PAQR5: variants seen among roughly 807,000 people sequenced by gnomAD.
The protein encoded by PAQR5 is membrane progestin receptor gamma.
Under a neutral mutation model 34.5 loss-of-function variants are expected in PAQR5, and 20 were observed. The observed-to-expected ratio is 0.58, with a 90% CI of 0.41 to 0.84. The LOEUF is 0.84. Ranked by LOEUF, PAQR5 falls within the 40% of genes least tolerant of loss-of-function variation. PAQR5 has a pLI of 0.00. For synonymous variants in PAQR5, 131 were observed against 155.6 expected (o/e 0.84, Z 1.18); for missense variants, 378 against 412.7 (o/e 0.92, Z 0.73).
rs1567038514 is a variant in PAQR5 at position 69,390,358 on chromosome 15, TTA to T, written c.512+580_512+581del. Among the ~76,000 whole-genome samples the T allele has an allele frequency of 1.9e-4, 28 of 144,346 alleles. 2 individuals are homozygous for T. The highest frequency in any genetic ancestry group is 2.5e-4 in the Non-Finnish European group (16 of 64,958). 94.7% of individuals were successfully genotyped at this position (144,346 alleles called of 152,430 possible). A position where few individuals can be genotyped will look rare whatever the true frequency, so the allele number is the denominator to read the frequency against. On this transcript the variant is annotated intron_variant, in intron 6 of 8. Coordinates refer to ENST00000395407, the MANE Select transcript of PAQR5 (RefSeq NM_017705.4). ...TTTATTTATTTATTTATTTATTTAT[TTA>T]TTTTTTTGAGACAGGGTCTCTCTCT...
At chr15:69,394,474 G>A (rs1283596097) in intron 6 of PAQR5, among the ~76,000 whole-genome samples, 5 of 152,188 alleles carry the variant, frequency 3.3e-5, no homozygotes, top group Non-Finnish European at 7.3e-5. Flanking sequence ...GCACTCGTGC[G>A]TGCGCCTCTG....
intron 1 of PAQR5, among the ~76,000 whole-genome samples, chr15:69,313,512 A>G (rs1035665323): frequency 6.6e-6 from 1 of 152,196 alleles, no homozygotes; most frequent in African/African-American, 2.4e-5. Flanking sequence ...AAACAGCGGC[A>G]ACAACAACCA....
At chr15:69,392,613 C>T (rs900258561) in intron 6 of PAQR5, among the ~76,000 whole-genome samples, 18 of 152,214 alleles carry the variant, frequency 1.2e-4, no homozygotes, top group Non-Finnish European at 1.2e-4. Flanking sequence ...GCACCCAGTG[C>T]CATAGGAGAG....
At chr15:69,329,830 G>C (rs1315417298) in intron 1 of PAQR5, among the ~76,000 whole-genome samples, 1 of 152,034 alleles carries the variant, frequency 6.6e-6, no homozygotes, top group East Asian at 1.9e-4. Context: ...TGCCGCTGAT[G>C]GCTCACTCTC....
At chr15:69,310,575 T>C (rs1347263109) in intron 1 of PAQR5, among the ~76,000 whole-genome samples, 1 of 152,248 alleles carries the variant, frequency 6.6e-6, no homozygotes, top group Non-Finnish European at 1.5e-5. Flanking sequence ...CAATTTTATT[T>C]GAAGTTGTTC....
intron 3 of PAQR5, among the ~76,000 whole-genome samples, chr15:69,377,237 C>T (rs575943473): frequency 6.6e-6 from 1 of 152,304 alleles, no homozygotes; most frequent in African/African-American, 2.4e-5. Context: ...GAAGGATAGA[C>T]CCAGTGTGGA....
chr15:69,370,497 C>T (rs1219140508), intron 3 of PAQR5, among the ~76,000 whole-genome samples: 2 of 151,964 alleles, frequency 1.3e-5, no homozygotes, highest in Non-Finnish European at 2.9e-5. Flanking sequence ...TTAACAAATC[C>T]CCCTTTATTT....
Position 69,385,673 on chromosome 15 carries a change from T to C in PAQR5, c.385+791T>C, listed in dbSNP as rs557218304. On this transcript the variant is annotated intron_variant, in intron 5 of 8. Coordinates refer to ENST00000395407, the MANE Select transcript of PAQR5 (RefSeq NM_017705.4). This position sits in a 1 kb window ranked among gnomAD's most constrained non-coding sequence, Gnocchi z 4.7. ...CCATTCTAGGTGAGAAAACCAATTA[T>C]TGTCTTCCTTGCCCAAGAGGTTGTC... Among the ~76,000 whole-genome samples, 1 of 152,202 alleles carries C rather than the reference T, an allele frequency of 6.6e-6. No homozygotes were observed. The highest frequency in any genetic ancestry group is 6.5e-5 in the Admixed American group (1 of 15,286).
chr15:69,372,873 A>G (rs190060154), intron 3 of PAQR5, among the ~76,000 whole-genome samples: 53 of 152,296 alleles, frequency 3.5e-4, no homozygotes, highest in African/African-American at 1.3e-3. Context: ...TTACTGCTGT[A>G]ACAAATTACC....
At chr15:69,396,071 G>T (rs1016248413) in intron 6 of PAQR5, among the ~76,000 whole-genome samples, 1 of 151,658 alleles carries the variant, frequency 6.6e-6, no homozygotes, top group African/African-American at 2.4e-5. Flanking sequence ...TTCTGTGCTG[G>T]GTCCCCAGGA....
intron 1 of PAQR5, among the ~76,000 whole-genome samples, chr15:69,301,286 G>C (rs145162835): frequency 2.0e-5 from 3 of 152,040 alleles, no homozygotes; most frequent in Non-Finnish European, 4.4e-5. Context: ...TTGCAGGCGT[G>C]AGCCACTGCA....
chr15:69,326,351 T>C (rs2054251272), intron 1 of PAQR5, among the ~76,000 whole-genome samples: 2 of 152,132 alleles, frequency 1.3e-5, no homozygotes, highest in African/African-American at 4.8e-5. Flanking sequence ...GTTCTTTCCA[T>C]GTGCAGATTC....
chr15:69,330,161 C>T (rs942619962), intron 1 of PAQR5, among the ~76,000 whole-genome samples: 11 of 152,136 alleles, frequency 7.2e-5, no homozygotes, highest in African/African-American at 2.7e-4. Context: ...TTAGGCAGTC[C>T]AGGGTACTTG....
At chr15:69,305,080 T>G (rs2053684515) in intron 1 of PAQR5, among the ~76,000 whole-genome samples, 1 of 152,224 alleles carries the variant, frequency 6.6e-6, no homozygotes, top group Non-Finnish European at 1.5e-5. Context: ...TCAGCACTAT[T>G]GACTTTCGGT....
At chr15:69,351,454 A>G (rs1284277369) in intron 2 of PAQR5, among the ~76,000 whole-genome samples, 1 of 152,270 alleles carries the variant, frequency 6.6e-6, no homozygotes, top group African/African-American at 2.4e-5. Flanking sequence ...GGTACCTGGT[A>G]TGCTGCCACG....
At chr15:69,400,430 A>G (rs903268080) in intron 8 of PAQR5, among the ~76,000 whole-genome samples, 11 of 152,206 alleles carry the variant, frequency 7.2e-5, no homozygotes, top group African/African-American at 2.4e-4. Flanking sequence ...GTGGTGGCTC[A>G]CACATGTAAT....
intron 2 of PAQR5, among the ~76,000 whole-genome samples, chr15:69,339,769 G>A (rs1036778167): frequency 2.6e-5 from 4 of 152,044 alleles, no homozygotes; most frequent in South Asian, 2.1e-4. Flanking sequence ...CATTGAGCCC[G>A]GCCCCTCCAC....
chr15:69,366,479 T>C (rs914680717), intron 3 of PAQR5, among the ~76,000 whole-genome samples: 13 of 152,166 alleles, frequency 8.5e-5, no homozygotes, highest in African/African-American at 2.9e-4. Context: ...AGGAGTGGAG[T>C]TGCTGGATCA....
intron 7 of PAQR5, among the ~76,000 whole-genome samples, chr15:69,398,460 G>C (rs2056521834): frequency 6.6e-6 from 1 of 152,174 alleles, no homozygotes; most frequent in African/African-American, 2.4e-5. Context: ...CTTTGTAGGG[G>C]AAAACAATGG....
Sources: allele counts gnomAD v4.1 joint callset (sites outside exome capture counted in the v4.1 genomes callset), GRCh38; gene constraint gnomAD v4.1.1; non-coding constraint Gnocchi (gnomAD v3.1); transcripts MANE v1.5; gene names NCBI Gene and HGNC (gene_info 2026-07-23, HGNC 2026-07-21).